RASEF: variants seen among roughly 807,000 people sequenced by gnomAD.
RASEF encodes RAS and EF-hand domain containing, also known as ras and EF-hand domain-containing protein.
A neutral mutation model predicts 90.1 loss-of-function variants in RASEF; 68 were observed. That is an observed-to-expected ratio of 0.75 (90% CI 0.62 to 0.92). The LOEUF is 0.92. Ranked by LOEUF, RASEF falls within the 40% of genes least tolerant of loss-of-function variation. RASEF has a pLI of 0.00. For missense variants in RASEF, 949 were observed against 937.2 expected (o/e 1.01, Z -0.16); for synonymous variants, 331 against 345.2 (o/e 0.96, Z 0.46).
At chr9:83,005,191 A>T (rs1028982072) in intron 8 of RASEF, among the ~76,000 whole-genome samples, 1 of 152,178 alleles carries the variant, frequency 6.6e-6, no homozygotes, top group African/African-American at 2.4e-5. Context: ...TTCCTAGAAC[A>T]TCTATAAAAA....
At chr9:83,097,732 GT>G in the RASEF span, among the ~76,000 whole-genome samples, 1 of 152,260 alleles carries the variant, frequency 6.6e-6, no homozygotes, top group Admixed American at 6.5e-5. Context: ...GAATGGACTT[GT>G]TTTCAAGTTC....
the RASEF span, among the ~76,000 whole-genome samples, chr9:83,128,463 CTT>C: frequency 2.6e-4 from 35 of 132,332 alleles, no homozygotes; most frequent in Middle Eastern, 4.1e-3. Context: ...TTGTTTTAGC[CTT>C]TTTTTTTTTT....
the RASEF span, among the ~76,000 whole-genome samples, chr9:83,192,180 T>A: frequency 3.9e-5 from 6 of 152,288 alleles, no homozygotes; most frequent in East Asian, 1.2e-3. Flanking sequence ...AGAACTACTG[T>A]TCAACCCAGC....
chr9:83,177,151 G>C, the RASEF span, among the ~76,000 whole-genome samples: 1 of 152,066 alleles, frequency 6.6e-6, no homozygotes, highest in African/African-American at 2.4e-5. Context: ...AATAAAAGGG[G>C]AATAAATGTG....
At position 82,982,051 on chromosome 9, in the gene RASEF, C is replaced by T. The variant is rs1032485428; in HGVS notation, c.*626G>A. ...TCAGAAGTGAGAAAAATCAATACTC[C>T]AATATTAAAAAGCAGGAATAACCAT... On this transcript the variant is annotated 3_prime_UTR_variant, in exon 17 of 17. Coordinates refer to ENST00000376447, the MANE Select transcript of RASEF (RefSeq NM_152573.4). 5.9e-5 allele frequency: 9 copies of T among 152,118 alleles called. No homozygotes were observed. Among genetic ancestry groups the T allele is most frequent in the Non-Finnish European group, 1.2e-4 (8 of 68,020 alleles). 9.4% of individuals were successfully genotyped at this position (152,118 alleles called of 1,614,324 possible).
At chr9:83,023,777 T>C (rs184076561) in intron 2 of RASEF, among the ~76,000 whole-genome samples, 1 of 152,324 alleles carries the variant, frequency 6.6e-6, no homozygotes, top group Non-Finnish European at 1.5e-5. Flanking sequence ...CTAAGGCACA[T>C]ATCCTTTCTC....
At chr9:83,061,065 C>A (rs755133751) in intron 1 of RASEF, among the ~76,000 whole-genome samples, 29 of 152,124 alleles carry the variant, frequency 1.9e-4, no homozygotes, top group Non-Finnish European at 1.3e-4. Flanking sequence ...TGCCTCATTC[C>A]TAAAATTCTT....
intron 1 of RASEF, among the ~76,000 whole-genome samples, chr9:83,053,095 T>C (rs1312614743): frequency 3.5e-5 from 2 of 57,812 alleles, no homozygotes; most frequent in Non-Finnish European, 5.9e-5. Context: ...TTCCTGGGTA[T>C]CCTTGTTGAC....
At chr9:83,015,057 C>T (rs1284920593) in intron 4 of RASEF, among the ~76,000 whole-genome samples, 1 of 152,216 alleles carries the variant, frequency 6.6e-6, no homozygotes, top group Non-Finnish European at 1.5e-5. Flanking sequence ...AAACTAGTGA[C>T]TCTTGGTGAT....
chr9:83,118,569 C>A, the RASEF span, among the ~76,000 whole-genome samples: 2 of 151,990 alleles, frequency 1.3e-5, 1 homozygote, highest in South Asian at 4.1e-4. Flanking sequence ...TTAGTTGTAT[C>A]CATATGGTTG....
At chr9:83,048,077 T>G in intron 1 of RASEF, 1 of 979,690 alleles carries the variant, frequency 1.0e-6, no homozygotes, top group Non-Finnish European at 1.2e-6. Context: ...GCAGAGGCTC[T>G]TACTGGCCGT....
At chr9:83,215,618 G>A in the RASEF span, among the ~76,000 whole-genome samples, 1 of 152,180 alleles carries the variant, frequency 6.6e-6, no homozygotes, top group African/African-American at 2.4e-5. Flanking sequence ...AAATTACCCA[G>A]TCTCAGGTAT....
the RASEF span, chr9:83,201,060 G>A: frequency 2.0e-5 from 3 of 152,204 alleles, no homozygotes; most frequent in Admixed American, 6.5e-5. Flanking sequence ...GAAGGCAAGA[G>A]GGCTTTCCTC....
the RASEF span, among the ~76,000 whole-genome samples, chr9:83,123,608 T>C: frequency 7.7e-6 from 1 of 129,680 alleles, no homozygotes; most frequent in Non-Finnish European, 1.7e-5. Flanking sequence ...CTCCAACAGA[T>C]GCTTCCCTCC....
At chr9:83,022,256 C>T in intron 3 of RASEF, 80 bp downstream of exon 3, 1 of 1,040,436 alleles carries the variant, frequency 9.6e-7, no homozygotes, top group South Asian at 1.3e-5. Context: ...CTGCATGACA[C>T]CCAGAAGAGT....
At chr9:83,024,709 A>G (rs897503868) in intron 2 of RASEF, among the ~76,000 whole-genome samples, 1 of 152,224 alleles carries the variant, frequency 6.6e-6, no homozygotes, top group African/African-American at 2.4e-5. Flanking sequence ...CTCCAGGACG[A>G]TAAGAAAGGT....
the RASEF span, among the ~76,000 whole-genome samples, chr9:83,218,985 G>A: frequency 6.6e-6 from 1 of 152,140 alleles, no homozygotes; most frequent in East Asian, 1.9e-4. Flanking sequence ...TCTGTCCAAA[G>A]CATTTGAATC....
the RASEF span, among the ~76,000 whole-genome samples, chr9:83,173,467 T>C: frequency 6.6e-6 from 1 of 151,782 alleles, no homozygotes; most frequent in Admixed American, 6.6e-5. Context: ...TTTCAAATAG[T>C]CTATCTTTCA....
chr9:83,178,972 C>A, the RASEF span, among the ~76,000 whole-genome samples: 1 of 152,146 alleles, frequency 6.6e-6, no homozygotes, highest in Admixed American at 6.6e-5. Context: ...GATTATTTTA[C>A]CCCTCTCCAA....
Sources: gnomAD v4.1 joint callset for allele counts (sites outside exome capture counted in the v4.1 genomes callset) on GRCh38, gnomAD v4.1.1 for gene constraint, MANE v1.5 for transcripts, NCBI Gene and HGNC (gene_info 2026-07-23, HGNC 2026-07-21) for gene names.